INSR: variants seen among roughly 807,000 people sequenced by gnomAD.
INSR encodes the protein IR.
In INSR, 67 loss-of-function variants were observed where a neutral mutation model predicts 142.6. The ratio of observed to expected loss-of-function variants is 0.47; its 90% CI spans 0.39 to 0.58. The LOEUF is 0.58. Among genes scored for constraint, INSR ranks in the 20% least tolerant of loss-of-function variants. The pLI is 0.00. For synonymous variants in INSR, 756 were observed against 743.1 expected (o/e 1.02, Z -0.28); for missense variants, 1,248 against 1,833.2 (o/e 0.68, Z 5.83).
intron 9 of INSR, among the ~76,000 whole-genome samples, chr19:7,161,513 G>A (rs1820411345): frequency 6.6e-6 from 1 of 152,130 alleles, no homozygotes; most frequent in Non-Finnish European, 1.5e-5. Flanking sequence ...GCCTCCCAAT[G>A]TGCTGGGATT....
rs770690301 is a variant in INSR, at chr19:7,184,551, C to T, written c.739G>A (p.Asp247Asn). The change falls in exon 3 of 22, where the codon GAC becomes AAC. Residue 247 changes from aspartate (D) to asparagine (N), a missense_variant. Transcript: ENST00000302850. ...SECLGNCSQPDDPTKCVACRN... is the reference protein window; with the variant it reads ...SECLGNCSQPNDPTKCVACRN... ...CAGGCCACGCACTTGGTGGGGTCGT[C>T]GGGCTGAGAACAGTTGCCCAGGCAC... is the stretch of plus-strand genomic sequence containing the variant. The T allele has an allele frequency of 1.5e-5, 25 of 1,613,424 alleles. No homozygotes were observed. Among genetic ancestry groups the T allele is most frequent in the Non-Finnish European group, 1.9e-5 (23 of 1,179,962 alleles).
chr19:7,282,549 G>A (rs1021801545), intron 1 of INSR, among the ~76,000 whole-genome samples: 1 of 151,346 alleles, frequency 6.6e-6, no homozygotes, highest in Non-Finnish European at 1.5e-5. Context: ...GGGCGTGGTG[G>A]CACATGCCTG....
chr19:7,157,082 G>A (rs1364092008), intron 9 of INSR, among the ~76,000 whole-genome samples: 3 of 152,118 alleles, frequency 2.0e-5, no homozygotes, highest in African/African-American at 7.2e-5. Flanking sequence ...CCGGGTTCAC[G>A]CCATTCTCCT....
intron 2 of INSR, among the ~76,000 whole-genome samples, chr19:7,235,394 A>T (rs1458132700): frequency 2.0e-5 from 3 of 152,136 alleles, no homozygotes; most frequent in Non-Finnish European, 4.4e-5. Context: ...CAACTCTCTC[A>T]CAGGAAAGAA....
At position 7,125,526 on chromosome 19, in the gene INSR, C is replaced by T; in HGVS notation, c.3015G>A (p.Val1005=). Residue 1005 remains valine (V), a splice_region_variant and synonymous_variant, in exon 17 of 22, where the codon GTG becomes GTA. Transcript: ENST00000302850. The surrounding 1 kb of genome is among the most constrained non-coding windows in gnomAD (Gnocchi z 4.9). The stretch of plus-strand genomic sequence containing the variant: ...CCGGCACGTACACAGAGCATGGAAA[C>T]ACTACTTCTTACTTATCTACACAGC... ...SNPEYLSASD[V]FPCSVYVPDE... The T allele has an allele frequency of 6.2e-7, 1 of 1,613,464 alleles. No homozygotes were observed.
chr19:7,259,502 A>G (rs1174411629), intron 2 of INSR, among the ~76,000 whole-genome samples: 1 of 152,132 alleles, frequency 6.6e-6, no homozygotes, highest in Non-Finnish European at 1.5e-5. Flanking sequence ...AGCATTTGCC[A>G]CAAAGACAAT....
At chr19:7,244,312 G>T (rs1416996797) in intron 2 of INSR, among the ~76,000 whole-genome samples, 3 of 152,130 alleles carry the variant, frequency 2.0e-5, no homozygotes, top group African/African-American at 7.2e-5. Flanking sequence ...GTGGGCAGAT[G>T]ACTTGAGGCC....
chr19:7,182,576 G>A (rs1454836970), intron 3 of INSR, among the ~76,000 whole-genome samples: 1 of 151,888 alleles, frequency 6.6e-6, no homozygotes, highest in Non-Finnish European at 1.5e-5. Flanking sequence ...TTAAACCTAC[G>A]CAATAAAATA....
chr19:7,219,698 AAAG>A (rs1375777521), intron 2 of INSR, among the ~76,000 whole-genome samples: 1 of 152,162 alleles, frequency 6.6e-6, no homozygotes, highest in Non-Finnish European at 1.5e-5. Flanking sequence ...AAAAAAAAGA[AAAG>A]AACGATTGCT....
At chr19:7,213,356 A>C (rs566007323) in intron 2 of INSR, among the ~76,000 whole-genome samples, 2,564 of 140,422 alleles carry the variant, frequency 0.018, 46 homozygotes, top group African/African-American at 0.048. Context: ...AAAAAAAAAA[A>C]AAACAAACAA....
chr19:7,132,238 T>G lies in INSR; in HGVS notation c.2762A>C (p.Tyr921Ser). 2 of 1,614,204 alleles carry G rather than the reference T, an allele frequency of 1.2e-6. No individual in the cohort carries two copies. Among genetic ancestry groups the G allele is most frequent in the Non-Finnish European group, 1.7e-6 (2 of 1,180,036 alleles). Residue 921 changes from tyrosine to serine, a missense_variant, in exon 14 of 22, where the codon TAC becomes TCC. By Grantham distance (144) the Tyr-to-Ser change is moderately radical (BLOSUM62 -2). Coordinates refer to ENST00000302850, the MANE Select transcript of INSR (RefSeq NM_000208.4). ...GGAGGTGGCCCGGATTCGCACGCTG[T>G]AGTTCCCCGGTGACAGCCCACGCAG... is the stretch of plus-strand genomic sequence containing the variant. ...CRLRGLSPGNYSVRIRATSLA... is the reference protein window; with the variant it reads ...CRLRGLSPGNSSVRIRATSLA...
chr19:7,248,338 TAGTC>T (rs60998647), intron 2 of INSR, among the ~76,000 whole-genome samples: 16,104 of 148,112 alleles, frequency 0.11, 2,386 homozygotes, highest in African/African-American at 0.34. Context: ...TTTTAAAAAT[TAGTC>T]AGGCACGGTG....
At chr19:7,204,803 G>A (rs560603153) in intron 2 of INSR, among the ~76,000 whole-genome samples, 28 of 152,348 alleles carry the variant, frequency 1.8e-4, no homozygotes, top group Admixed American at 3.9e-4. Context: ...GGGTAGAGCC[G>A]GGCGCAGTGG....
chr19:7,276,649 T>G (rs988133299), intron 1 of INSR, among the ~76,000 whole-genome samples: 7 of 152,210 alleles, frequency 4.6e-5, no homozygotes, highest in Non-Finnish European at 8.8e-5. Context: ...AACCCAGCTC[T>G]GTCACCTGTC....
At chr19:7,224,248 T>TG (rs1975710423) in intron 2 of INSR, among the ~76,000 whole-genome samples, 1 of 150,256 alleles carries the variant, frequency 6.7e-6, no homozygotes, top group Non-Finnish European at 1.5e-5. Context: ...GGCCAATTTT[T>TG]TTTTTTTTTT....
chr19:7,155,153 G>C (rs1973556758), intron 9 of INSR, among the ~76,000 whole-genome samples: 1 of 152,034 alleles, frequency 6.6e-6, no homozygotes, highest in Non-Finnish European at 1.5e-5. Context: ...GCAAAGGAAA[G>C]CACCATCCAC....
At chr19:7,198,261 C>A (rs1338695937) in intron 2 of INSR, among the ~76,000 whole-genome samples, 1 of 151,380 alleles carries the variant, frequency 6.6e-6, no homozygotes, top group East Asian at 1.9e-4. Context: ...GGGCGCTGGC[C>A]CCGCCCCCCG....
rs752309293 is a variant in INSR, at chr19:7,152,655, C to T, written c.2231+71G>A. On this transcript the variant is annotated intron_variant, in intron 10 of 21. Coordinates refer to ENST00000302850, the MANE Select transcript of INSR (RefSeq NM_000208.4). ...TCTGGGTCCCACTACCTCTCGGTCCCTAAGTAATGACCTTCCACCAACACC... is the reference window on the plus strand; with the variant it reads ...TCTGGGTCCCACTACCTCTCGGTCCTTAAGTAATGACCTTCCACCAACACC... The T allele has an allele frequency of 3.9e-6, 5 of 1,294,942 alleles. No homozygotes were observed. In the African/African-American group the frequency reaches 5.8e-5, roughly 15 times the overall value. 80.2% of individuals were successfully genotyped at this position (1,294,942 alleles called of 1,614,324 possible).
chr19:7,264,953 A>G lies in INSR; in HGVS notation c.652+2392T>C, dbSNP rs141013998. 7.6e-3 allele frequency among the ~76,000 whole-genome samples: 1,150 copies of G among 152,192 alleles called. 15 individuals carry two copies. The highest frequency in any genetic ancestry group is 0.026 in the African/African-American group (1,086 of 41,514). On this transcript the variant is annotated intron_variant, in intron 2 of 21. Coordinates refer to ENST00000302850, the MANE Select transcript of INSR (RefSeq NM_000208.4). ...CCTCACAGACAATTCCAAGGATTCTATTTAGGTCTATTTAAGGACTCACTC... is the reference window on the plus strand; with the variant it reads ...CCTCACAGACAATTCCAAGGATTCTGTTTAGGTCTATTTAAGGACTCACTC...
Sources: gnomAD v4.1 joint callset for allele counts (sites outside exome capture counted in the v4.1 genomes callset) on GRCh38, gnomAD v4.1.1 for gene constraint, Gnocchi (gnomAD v3.1) non-coding constraint, MANE v1.5 for transcripts, NCBI Gene and HGNC (gene_info 2026-07-23, HGNC 2026-07-21) for gene names.